Variants in EFCAB6 observed in about 807,000 individuals in gnomAD.
The protein encoded by EFCAB6 is EF-hand calcium-binding domain-containing protein 6.
In EFCAB6, 156 loss-of-function variants were observed where a neutral mutation model predicts 169.8. That is an observed-to-expected ratio of 0.92 (90% confidence interval 0.81 to 1.05). The LOEUF (loss-of-function observed/expected upper bound fraction) is 1.05, where lower values mean the gene tolerates loss of function less well. Among genes scored for constraint, EFCAB6 ranks in the 50% least tolerant of loss-of-function variants. The pLI, the probability that EFCAB6 is intolerant of heterozygous loss-of-function variation, is 0.00. For missense variants in EFCAB6, 1,800 were observed against 1,829.1 expected (o/e 0.98, Z 0.29); for synonymous variants, 698 against 676.4 (o/e 1.03, Z -0.50).
intron 17 of EFCAB6, among the ~76,000 whole-genome samples, chr22:43,654,723 C>T (rs941147671): frequency 6.6e-6 from 1 of 152,116 alleles, no homozygotes; most frequent in Non-Finnish European, 1.5e-5. Context: ...AGATACGATC[C>T]TAGACAGGAA....
chr22:43,737,345 C>A (rs532440563), intron 6 of EFCAB6, among the ~76,000 whole-genome samples: 2 of 151,836 alleles, frequency 1.3e-5, no homozygotes, highest in South Asian at 4.2e-4. Flanking sequence ...CATACACACA[C>A]CTGTGCATGT....
intron 12 of EFCAB6, 111 bp downstream of exon 12, chr22:43,683,636 T>C: frequency 1.2e-6 from 1 of 817,498 alleles, no homozygotes; most frequent in Non-Finnish European, 2.1e-6. Context: ...TCAAGAAGTG[T>C]TTGTTGGATG....
intron 3 of EFCAB6, among the ~76,000 whole-genome samples, chr22:43,773,920 TA>T (rs1397215002): frequency 6.6e-6 from 1 of 152,188 alleles, no homozygotes; most frequent in Non-Finnish European, 1.5e-5. Context: ...AGGAAAGGAA[TA>T]ATGTCTTGAC....
intron 3 of EFCAB6, among the ~76,000 whole-genome samples, chr22:43,775,726 G>A (rs1424276233): frequency 3.9e-5 from 6 of 152,198 alleles, no homozygotes; most frequent in Admixed American, 3.9e-4. Flanking sequence ...TTACAGGCGT[G>A]AGCCACCGCA....
intron 27 of EFCAB6, chr22:43,540,611 T>G: frequency 2.2e-6 from 3 of 1,373,328 alleles, no homozygotes; most frequent in Non-Finnish European, 2.9e-6. Flanking sequence ...AATTGGGCCC[T>G]CAGTGAGCAC....
At chr22:43,723,886 G>A (rs1349479410) in intron 8 of EFCAB6, among the ~76,000 whole-genome samples, 6 of 151,938 alleles carry the variant, frequency 3.9e-5, no homozygotes, top group African/African-American at 1.4e-4. Context: ...AGCCCATCGA[G>A]CAGGCTTTTT....
intron 12 of EFCAB6, among the ~76,000 whole-genome samples, chr22:43,681,976 G>A (rs1030909829): frequency 4.6e-5 from 7 of 152,208 alleles, no homozygotes; most frequent in African/African-American, 1.7e-4. Context: ...ATGCCTTGGC[G>A]TGGATCTAAA....
chr22:43,666,356 A>G (rs1369370908), intron 17 of EFCAB6, among the ~76,000 whole-genome samples: 1 of 152,188 alleles, frequency 6.6e-6, no homozygotes, highest in Admixed American at 6.5e-5. Flanking sequence ...AATAAGACCC[A>G]TAAAAAGCCC....
chr22:43,779,815 C>T (rs1305124007), intron 3 of EFCAB6, among the ~76,000 whole-genome samples: 1 of 151,872 alleles, frequency 6.6e-6, no homozygotes, highest in African/African-American at 2.4e-5. Context: ...AAATAAAAAG[C>T]AAATGACAAA....
chr22:43,677,592 G>GC (rs2057817901), intron 13 of EFCAB6, among the ~76,000 whole-genome samples: 1 of 152,128 alleles, frequency 6.6e-6, no homozygotes, highest in South Asian at 2.1e-4. Flanking sequence ...GCTGCAGTGA[G>GC]CCGAGATCAT....
At chr22:43,599,285 G>T (rs1235133797) in intron 23 of EFCAB6, among the ~76,000 whole-genome samples, 1 of 152,004 alleles carries the variant, frequency 6.6e-6, no homozygotes, top group African/African-American at 2.4e-5. Context: ...TGAGGCAGGT[G>T]GATCGCTTGA....
chr22:43,797,430 T>C (rs1273808268), intron 2 of EFCAB6: 1 of 152,612 alleles, frequency 6.6e-6, no homozygotes, highest in African/African-American at 2.4e-5. Flanking sequence ...GCTACAAGAA[T>C]GGAGCCTTTG....
In EFCAB6 at chr22:43,537,546, C is replaced by A; in HGVS notation, c.3880-1G>T. ...GGATCACGGTGGTGCTCGCTGGAGTCTAGCAGGGAAGAAAAGAAAAGGCTC... is the reference window on the plus strand; with the variant it reads ...GGATCACGGTGGTGCTCGCTGGAGTATAGCAGGGAAGAAAAGAAAAGGCTC... On this transcript the variant is annotated splice_acceptor_variant, in intron 28 of 31. Coordinates refer to ENST00000262726, the MANE Select transcript of EFCAB6 (RefSeq NM_022785.4). LOFTEE classifies it high-confidence loss of function. This position sits in a 1 kb window ranked among gnomAD's most constrained non-coding sequence, Gnocchi z 4.3. 6.2e-7 allele frequency: 1 copy of A among 1,607,890 alleles called. No homozygotes were observed. The highest frequency in any genetic ancestry group is 8.5e-7 in the Non-Finnish European group (1 of 1,176,962).
intron 17 of EFCAB6, among the ~76,000 whole-genome samples, chr22:43,663,141 C>T (rs1439883436): frequency 1.3e-5 from 2 of 152,322 alleles, no homozygotes; most frequent in South Asian, 2.1e-4. Context: ...ATCACATCAC[C>T]GTCATCGTTA....
In EFCAB6 at chr22:43,537,300, G is replaced by C; in HGVS notation, c.4048+77C>G. 2.6e-6 allele frequency: 4 copies of C among 1,552,312 alleles called. No individual in the cohort carries two copies. Among genetic ancestry groups the C allele is most frequent in the Non-Finnish European group, 3.5e-6 (4 of 1,142,704 alleles). ...CTCCCTGGCCTCCACCCGGGGTGTG[G>C]CTTTGTACCCAGTGGGAACAGCCTC... is the stretch of plus-strand genomic sequence containing the variant. On this transcript the variant is annotated intron_variant, in intron 29 of 31. Transcript: ENST00000262726. This position sits in a 1 kb window ranked among gnomAD's most constrained non-coding sequence, Gnocchi z 4.3.
chr22:43,632,322 G>A (rs137726), intron 18 of EFCAB6, 84 bp from the exon 19 acceptor site: 153,370 of 1,354,118 alleles, frequency 0.11, 9,140 homozygotes, highest in Non-Finnish European at 0.12. Flanking sequence ...TTTTTGAGAC[G>A]GAGTCTCGCT....
intron 24 of EFCAB6, among the ~76,000 whole-genome samples, 197 bp downstream of exon 24, chr22:43,589,877 T>C (rs889512081): frequency 2.6e-4 from 40 of 152,192 alleles, no homozygotes; most frequent in Non-Finnish European, 4.4e-5. Context: ...GGAAAAGTTA[T>C]GCATTTGTCA....
intron 8 of EFCAB6, among the ~76,000 whole-genome samples, chr22:43,725,557 T>C (rs2059698191): frequency 6.6e-6 from 1 of 152,338 alleles, no homozygotes. Flanking sequence ...AACTGTTACA[T>C]TGGGGATTAA....
chr22:43,608,793 G>T (rs773714113), intron 21 of EFCAB6, among the ~76,000 whole-genome samples, 193 bp from the exon 22 acceptor site: 2 of 152,196 alleles, frequency 1.3e-5, no homozygotes, highest in Non-Finnish European at 2.9e-5. Context: ...AAACGGAAAT[G>T]AGAATTAGGG....
Sources: gnomAD v4.1 joint callset for allele counts (sites outside exome capture counted in the v4.1 genomes callset) on GRCh38, gnomAD v4.1.1 for gene constraint, Gnocchi (gnomAD v3.1) non-coding constraint, MANE v1.5 for transcripts, NCBI Gene and HGNC (gene_info 2026-07-23, HGNC 2026-07-21) for gene names.